Variants in COL6A2 observed in about 807,000 individuals in gnomAD.
The protein encoded by COL6A2 is collagen alpha-2(VI) chain.
COL6A2 carries 90 observed loss-of-function variants against 124.9 expected under a neutral mutation model. The ratio of observed to expected loss-of-function variants is 0.72; its 90% CI spans 0.61 to 0.86. COL6A2 has a LOEUF of 0.86. Among genes scored for constraint, COL6A2 ranks in the 40% least tolerant of loss-of-function variants. The pLI is 0.00. For missense variants in COL6A2, 1,607 were observed against 1,502.5 expected (o/e 1.07, Z -1.15); for synonymous variants, 793 against 618.2 (o/e 1.28, Z -4.19).
chr21:46,120,540 G>T lies in COL6A2; in HGVS notation c.1358G>T (p.Arg453Leu). 1 of 1,479,560 alleles carries T rather than the reference G, an allele frequency of 6.8e-7. No homozygotes were observed. The highest frequency in any genetic ancestry group is 9.0e-7 in the Non-Finnish European group (1 of 1,117,042). The allele number at this position is 1,479,560 out of a possible 1,614,324, so 91.7% of individuals were successfully genotyped here. Residue 453 changes from arginine (R) to leucine (L), a missense_variant, in exon 16 of 28, where the codon CGC becomes CTC. Arg to Leu is a moderately radical substitution (Grantham distance 102). Transcript: ENST00000300527. ...EKGDPGPEGP[R>L]GLAGEVGNKG... ...GGGGACCCTGGCCCTGAGGGGCCCC[G>T]CGGCCTGGCTGGAGAGGTTGGCAAC...
At chr21:46,100,873 T>G (rs777669260) in intron 1 of COL6A2, among the ~76,000 whole-genome samples, 1 of 152,238 alleles carries the variant, frequency 6.6e-6, no homozygotes, top group Non-Finnish European at 1.5e-5. Context: ...ACCACACAGA[T>G]ACCTCTTGGA....
intron 27 of COL6A2, chr21:46,129,078 G>A (rs556026564): frequency 3.8e-5 from 60 of 1,599,724 alleles, no homozygotes; most frequent in African/African-American, 4.0e-5. Context: ...TTCCTCTACC[G>A]ACTCGCCAGC....
At chr21:46,104,323 T>C (rs1345180993) in intron 1 of COL6A2, among the ~76,000 whole-genome samples, 2 of 152,010 alleles carry the variant, frequency 1.3e-5, no homozygotes, top group Non-Finnish European at 2.9e-5. Flanking sequence ...AAAATATCAA[T>C]AAAAAGCTAG....
chr21:46,120,648 G>A, intron 16 of COL6A2, 71 bp downstream of exon 16: 1 of 1,380,178 alleles, frequency 7.2e-7, no homozygotes, highest in South Asian at 1.5e-5. Flanking sequence ...GCACCCCAAG[G>A]TAGGGTGGCC....
At chr21:46,129,167 T>C in intron 27 of COL6A2, 1 of 1,612,594 alleles carries the variant, frequency 6.2e-7, no homozygotes, top group Non-Finnish European at 8.5e-7. Flanking sequence ...CCGCAGGCCT[T>C]ACAGTCTTCT....
rs1395592908 is a variant in COL6A2, at chr21:46,116,702, C to T, written c.954+25C>T. Reference sequence around the variant, plus strand: ...GGTAGGCTGGCTGGGTAGGCAGAGCCCCTCCTTCCTGCTGCTCAGGGCAGA... The same window carrying T: ...GGTAGGCTGGCTGGGTAGGCAGAGCTCCTCCTTCCTGCTGCTCAGGGCAGA... On this transcript the variant is annotated intron_variant, in intron 9 of 27. Transcript: ENST00000300527. The surrounding 1 kb of genome is among the most constrained non-coding windows in gnomAD (Gnocchi z 4.6). The T allele has an allele frequency of 6.2e-7, 1 of 1,612,872 alleles. No homozygotes were observed. Among genetic ancestry groups the T allele is most frequent in the Non-Finnish European group, 8.5e-7 (1 of 1,180,020 alleles).
In COL6A2 at chr21:46,116,764, C is replaced by A; in HGVS notation, c.955-6C>A. 1 of 1,613,098 alleles carries A rather than the reference C, an allele frequency of 6.2e-7. No individual in the cohort carries two copies. The highest frequency in any genetic ancestry group is 8.5e-7 in the Non-Finnish European group (1 of 1,180,016). ...TAATGGAGTTCCCTCTTCCTTCTCT[C>A]TTCAGGGGGCCCCTGGCCTGGCTGG... On this transcript the variant is annotated splice_polypyrimidine_tract_variant and splice_region_variant and intron_variant, in intron 9 of 27. Transcript: ENST00000300527. The surrounding 1 kb of genome is among the most constrained non-coding windows in gnomAD (Gnocchi z 4.6).
intron 25 of COL6A2, 71 bp from the exon 26 acceptor site, chr21:46,125,714 G>A: frequency 6.3e-7 from 1 of 1,598,130 alleles, no homozygotes; most frequent in African/African-American, 1.3e-5. Flanking sequence ...CTCCAACGAG[G>A]GCCTCTGCAT....
chr21:46,116,131 C>T lies in COL6A2; in HGVS notation c.900+78C>T, dbSNP rs2078466651. 11 of 1,442,158 alleles carry T rather than the reference C, an allele frequency of 7.6e-6. No homozygotes were observed. The highest frequency in any genetic ancestry group is 4.9e-5 in the South Asian group (4 of 81,988). The allele number at this position is 1,442,158 out of a possible 1,614,324, so 89.3% of individuals were successfully genotyped here. ...AGGCAGGCTCCCCCCAGCCCAGCCT[C>T]GGCCTCAGCCTCTACGACCCTCCCC... On this transcript the variant is annotated intron_variant, in intron 7 of 27. Coordinates refer to ENST00000300527, the MANE Select transcript of COL6A2 (RefSeq NM_001849.4). The surrounding 1 kb of genome is among the most constrained non-coding windows in gnomAD (Gnocchi z 4.6).
intron 26 of COL6A2, 77 bp downstream of exon 26, chr21:46,126,314 C>G: frequency 6.5e-7 from 1 of 1,546,766 alleles, no homozygotes; most frequent in Non-Finnish European, 8.9e-7. Flanking sequence ...CCCAGGGACA[C>G]CCCTCACCTG....
chr21:46,129,790 C>T, intron 27 of COL6A2: 1 of 1,257,714 alleles, frequency 8.0e-7, no homozygotes, highest in Non-Finnish European at 1.0e-6. Flanking sequence ...CCTCGCAAGA[C>T]CCTTAACTCA....
At chr21:46,100,509 C>T (rs2078277897) in intron 1 of COL6A2, among the ~76,000 whole-genome samples, 4 of 152,292 alleles carry the variant, frequency 2.6e-5, no homozygotes, top group Middle Eastern at 3.4e-3. Flanking sequence ...GGTCCATCTC[C>T]GGAACTCTTT....
intron 1 of COL6A2, among the ~76,000 whole-genome samples, chr21:46,108,385 A>G (rs530866507): frequency 2.0e-5 from 3 of 152,310 alleles, no homozygotes; most frequent in South Asian, 2.1e-4. Flanking sequence ...ATTCCTGGAC[A>G]TGATTTCTGT....
intron 1 of COL6A2, among the ~76,000 whole-genome samples, chr21:46,102,041 G>A (rs1175927679): frequency 6.6e-6 from 1 of 151,580 alleles, no homozygotes; most frequent in Non-Finnish European, 1.5e-5. Flanking sequence ...CTATGAACAT[G>A]AATGTCTTTT....
At chr21:46,130,209 A>AT (rs1219104318) in intron 27 of COL6A2, among the ~76,000 whole-genome samples, 1 of 152,158 alleles carries the variant, frequency 6.6e-6, no homozygotes, top group Admixed American at 6.5e-5. Context: ...AGCAGCCCTG[A>AT]TCCCGGGGTG....
chr21:46,106,867 C>T (rs1032038359), intron 1 of COL6A2, among the ~76,000 whole-genome samples: 4 of 152,160 alleles, frequency 2.6e-5, no homozygotes, highest in African/African-American at 9.7e-5. Context: ...ACTCTTCTTG[C>T]TTTTTCTACC....
intron 3 of COL6A2, 58 bp from the exon 4 acceptor site, chr21:46,112,746 T>G: frequency 6.2e-7 from 1 of 1,612,744 alleles, no homozygotes; most frequent in Non-Finnish European, 8.5e-7. Flanking sequence ...AGACTCGAGG[T>G]GCAGCCGCCC....
At chr21:46,103,406 T>G (rs998733321) in intron 1 of COL6A2, among the ~76,000 whole-genome samples, 7 of 152,292 alleles carry the variant, frequency 4.6e-5, no homozygotes, top group Middle Eastern at 6.8e-3. Context: ...ATTATCTGTC[T>G]GTTCTCCATT....
intron 1 of COL6A2, among the ~76,000 whole-genome samples, chr21:46,110,878 C>T (rs2078388886): frequency 6.6e-6 from 1 of 152,224 alleles, no homozygotes; most frequent in Non-Finnish European, 1.5e-5. Flanking sequence ...TCTGTTTGCC[C>T]CAGGGTCCTG....
Sources: allele counts gnomAD v4.1 joint callset (sites outside exome capture counted in the v4.1 genomes callset), GRCh38; gene constraint gnomAD v4.1.1; non-coding constraint Gnocchi (gnomAD v3.1); transcripts MANE v1.5; gene names NCBI Gene and HGNC (gene_info 2026-07-23, HGNC 2026-07-21).